The following CALN1 variants were observed in gnomAD, a reference collection of about 807,000 sequenced individuals.
CALN1 encodes calneuron 1.
Under a neutral mutation model 30.6 loss-of-function variants are expected in CALN1, and 17 were observed. The observed-to-expected ratio is 0.56, with a 90% CI of 0.38 to 0.83. CALN1 has a LOEUF of 0.83. CALN1 is among the 40% of genes least tolerant of loss of function. The probability of loss-of-function intolerance (pLI) is 0.00; values close to 1 mark genes in which losing one functional copy is unlikely to be tolerated. For synonymous variants in CALN1, 156 were observed against 131.4 expected (o/e 1.19, Z -1.28); for missense variants, 291 against 354.9 (o/e 0.82, Z 1.45).
At chr7:71,819,210 CTTTT>C (rs113567992) in intron 5 of CALN1, among the ~76,000 whole-genome samples, 1 of 137,450 alleles carries the variant, frequency 7.3e-6, no homozygotes, top group Non-Finnish European at 1.6e-5. Flanking sequence ...CTATTTTATT[CTTTT>C]TTTTTTTTTT....
At chr7:71,861,163 T>A (rs1453580217) in intron 5 of CALN1, among the ~76,000 whole-genome samples, 1 of 140,812 alleles carries the variant, frequency 7.1e-6, no homozygotes, top group African/African-American at 2.8e-5. Context: ...AGCAAACTGG[T>A]GTGTTGTGGT....
intron 3 of CALN1, among the ~76,000 whole-genome samples, chr7:72,110,051 C>CCCAAG (rs1193561039): frequency 6.6e-6 from 1 of 152,188 alleles, no homozygotes; most frequent in Admixed American, 6.5e-5. Context: ...AAGGCTCCTT[C>CCCAAG]CCAAGGCATC....
chr7:71,779,554 A>G lies in CALN1; in HGVS notation c.*8221T>C, dbSNP rs1425818295. 6.6e-6 allele frequency: 1 copy of G among 152,212 alleles called. No homozygotes were observed. The highest frequency in any genetic ancestry group is 1.5e-5 in the Non-Finnish European group (1 of 68,038). The allele number at this position is 152,212 out of a possible 1,614,324, so 9.4% of individuals were successfully genotyped here. A position where few individuals can be genotyped will look rare whatever the true frequency, so the allele number is the denominator to read the frequency against. On this transcript the variant is annotated 3_prime_UTR_variant, in exon 7 of 7. Coordinates refer to ENST00000395275, the MANE Select transcript of CALN1 (RefSeq NM_031468.4). ...AATAATGGTAAATTAGACTCTTTTT[A>G]TACAGATTATATATTTACAGACAAG... is the stretch of plus-strand genomic sequence containing the variant.
intron 5 of CALN1, among the ~76,000 whole-genome samples, chr7:71,817,648 T>C (rs1207277467): frequency 6.6e-6 from 1 of 152,194 alleles, no homozygotes; most frequent in Non-Finnish European, 1.5e-5. Flanking sequence ...CCCGAGTAGC[T>C]GGGATTACAG....
chr7:72,008,654 T>C (rs371660593), intron 5 of CALN1, among the ~76,000 whole-genome samples: 4 of 144,026 alleles, frequency 2.8e-5, no homozygotes, highest in African/African-American at 5.6e-5. Context: ...GAGAAGACTT[T>C]CAATTTTTTT....
At chr7:72,048,016 A>G (rs1002229002) in intron 4 of CALN1, among the ~76,000 whole-genome samples, 8 of 150,866 alleles carry the variant, frequency 5.3e-5, no homozygotes, top group Non-Finnish European at 1.0e-4. Context: ...GGCTTCATTC[A>G]TTCATATTGC....
chr7:71,978,262 C>CTATTTTTT (rs1173448154), intron 5 of CALN1, among the ~76,000 whole-genome samples: 25 of 72,936 alleles, frequency 3.4e-4, no homozygotes, highest in Admixed American at 6.3e-4. Flanking sequence ...CTAGAGAATT[C>CTATTTTTT]TTTTTTTTTT....
chr7:72,294,306 A>C (rs1798696960), intron 2 of CALN1, among the ~76,000 whole-genome samples: 1 of 152,190 alleles, frequency 6.6e-6, no homozygotes. Flanking sequence ...CAAACAATTC[A>C]AACTAAAAAA....
In CALN1 at chr7:71,907,904, C is replaced by T. The variant is rs538682628; in HGVS notation, c.502-97412G>A. On this transcript the variant is annotated intron_variant, in intron 5 of 6. Coordinates refer to ENST00000395275, the MANE Select transcript of CALN1 (RefSeq NM_031468.4). Reference sequence around the variant, plus strand: ...GGTGTTAGATTTGATGATATCCTGTCCCCAGGGACAAAGGATTAATAAAAA... The same window carrying T: ...GGTGTTAGATTTGATGATATCCTGTTCCCAGGGACAAAGGATTAATAAAAA... Among the ~76,000 whole-genome samples, 416 of 149,192 alleles carry T rather than the reference C, an allele frequency of 2.8e-3. 1 individual carries two copies. Among genetic ancestry groups the T allele is most frequent in the Non-Finnish European group, 4.1e-3 (282 of 67,990 alleles).
chr7:71,941,560 G>A (rs540356115), intron 5 of CALN1, among the ~76,000 whole-genome samples: 1 of 152,230 alleles, frequency 6.6e-6, no homozygotes, highest in East Asian at 1.9e-4. Flanking sequence ...TATGAAGAGA[G>A]GTTCAATTTC....
intron 2 of CALN1, among the ~76,000 whole-genome samples, chr7:72,290,013 G>A (rs934467609): frequency 7.5e-6 from 1 of 133,034 alleles, no homozygotes; most frequent in Non-Finnish European, 1.5e-5. Context: ...AGAAGTTCAA[G>A]GCTGCAGTGA....
intron 2 of CALN1, among the ~76,000 whole-genome samples, chr7:72,328,254 T>C (rs1489785707): frequency 6.6e-6 from 1 of 152,158 alleles, no homozygotes; most frequent in Non-Finnish European, 1.5e-5. Flanking sequence ...GCAATAATAC[T>C]CACGTATCAA....
At chr7:72,364,515 G>GTC (rs1173893527) in intron 2 of CALN1, among the ~76,000 whole-genome samples, 3 of 152,308 alleles carry the variant, frequency 2.0e-5, no homozygotes, top group East Asian at 1.9e-4. Context: ...GGAGTTTTGT[G>GTC]TCTCTCTCTC....
At chr7:71,799,642 C>A (rs1584244221) in intron 6 of CALN1, among the ~76,000 whole-genome samples, 1 of 151,498 alleles carries the variant, frequency 6.6e-6, no homozygotes, top group Non-Finnish European at 1.5e-5. Flanking sequence ...ATTTTTATTT[C>A]TTTTTGTATT....
In CALN1 at chr7:71,989,675, G is replaced by T. The variant is rs544760113; in HGVS notation, c.501+33982C>A. ...TACTGGGAAAATACGGATCCGGGGC[G>T]AGGGTTGGAGGGGAGTTAGCACAAT... is the stretch of plus-strand genomic sequence containing the variant. On this transcript the variant is annotated intron_variant, in intron 5 of 6. Coordinates refer to ENST00000395275, the MANE Select transcript of CALN1 (RefSeq NM_031468.4). 1.4e-4 allele frequency among the ~76,000 whole-genome samples: 22 copies of T among 152,304 alleles called. No individual in the cohort carries two copies. The South Asian group carries it at 4.6e-3, about 32-fold the overall frequency.
At chr7:72,072,925 A>G (rs7798439) in intron 4 of CALN1, among the ~76,000 whole-genome samples, 71,953 of 151,950 alleles carry the variant, frequency 0.47, 18,024 homozygotes, top group East Asian at 0.97. Context: ...AAATGAGAAA[A>G]TAATTTAAAT....
rs758248580 is a variant in CALN1, at chr7:71,780,560, C to G, written c.*7215G>C. 3 of 152,058 alleles carry G rather than the reference C, an allele frequency of 2.0e-5. No homozygotes were observed. Among genetic ancestry groups the G allele is most frequent in the Non-Finnish European group, 4.4e-5 (3 of 68,020 alleles). The allele number at this position is 152,058 out of a possible 1,614,324, so 9.4% of individuals were successfully genotyped here. ...CCTCATTAGCCATTTAAAGGGCTGT[C>G]GCAGGTAGCCGGTCCCCCGCGACTG... On this transcript the variant is annotated 3_prime_UTR_variant, in exon 7 of 7. Coordinates refer to ENST00000395275, the MANE Select transcript of CALN1 (RefSeq NM_031468.4).
intron 2 of CALN1, among the ~76,000 whole-genome samples, chr7:72,285,311 C>G (rs896714865): frequency 2.6e-5 from 4 of 152,154 alleles, no homozygotes; most frequent in African/African-American, 9.7e-5. Flanking sequence ...GTGGCACGAT[C>G]TCAGCCACTG....
intron 4 of CALN1, among the ~76,000 whole-genome samples, chr7:72,057,711 G>T: frequency 7.0e-6 from 1 of 142,186 alleles, no homozygotes. Flanking sequence ...GAGTGTAGAA[G>T]ACTTATTGGG....
Sources: gnomAD v4.1 joint callset for allele counts (sites outside exome capture counted in the v4.1 genomes callset) on GRCh38, gnomAD v4.1.1 for gene constraint, MANE v1.5 for transcripts, NCBI Gene and HGNC (gene_info 2026-07-23, HGNC 2026-07-21) for gene names.